RGS13: variants seen among roughly 807,000 people sequenced by gnomAD.
RGS13 encodes regulator of G protein signaling 13.
A neutral mutation model predicts 19.9 loss-of-function variants in RGS13; 14 were observed. That is an observed-to-expected ratio of 0.70 (90% confidence interval 0.46 to 1.10). RGS13 has a LOEUF of 1.10. Among genes scored for constraint, RGS13 ranks in the 50% least tolerant of loss-of-function variants. The pLI, the probability that RGS13 is intolerant of heterozygous loss-of-function variation, is 0.00. For missense variants in RGS13, 205 were observed against 187.1 expected (o/e 1.10, Z -0.56); for synonymous variants, 60 against 56.8 (o/e 1.06, Z -0.25).
Position 192,658,500 on chromosome 1 carries a change from AC to A in RGS13, c.294+135del. The A allele has an allele frequency of 6.6e-6, 5 of 752,064 alleles. No individual in the cohort carries two copies. In the South Asian group the frequency reaches 1.1e-4, roughly 17 times the overall value. 46.6% of individuals were successfully genotyped at this position (752,064 alleles called of 1,614,324 possible). A position where few individuals can be genotyped will look rare whatever the true frequency, so the allele number is the denominator to read the frequency against. ...AAATGCTATAAATTCAGTATTGCTA[AC>A]CTTATTTTACAGATAAGAAACCTGA... On this transcript the variant is annotated intron_variant, in intron 6 of 6. Transcript: ENST00000391995.
At chr1:192,647,548 TAA>T (rs1191697880) in intron 4 of RGS13, 5 of 152,944 alleles carry the variant, frequency 3.3e-5, no homozygotes, top group South Asian at 2.1e-4. Context: ...GCATAAAGTA[TAA>T]ACACACATAG....
chr1:192,653,063 T>G (rs945035735), intron 5 of RGS13, among the ~76,000 whole-genome samples: 1 of 152,016 alleles, frequency 6.6e-6, no homozygotes, highest in African/African-American at 2.4e-5. Context: ...ATTCAGTGGT[T>G]TACAAATATA....
At chr1:192,639,762 G>A (rs1267530825) in intron 3 of RGS13, among the ~76,000 whole-genome samples, 1 of 152,108 alleles carries the variant, frequency 6.6e-6, no homozygotes, top group African/African-American at 2.4e-5. Context: ...CTGACCTCGA[G>A]CATATGTCTG....
chr1:192,655,166 T>C (rs1158890202), intron 5 of RGS13, among the ~76,000 whole-genome samples: 1 of 152,120 alleles, frequency 6.6e-6, no homozygotes, highest in Admixed American at 6.6e-5. Context: ...CAAATGCATT[T>C]TCAGCCGCTA....
chr1:192,659,810 G>C lies in RGS13; in HGVS notation c.*287G>C, dbSNP rs1196040679. 8.5e-6 allele frequency: 2 copies of C among 234,796 alleles called. No individual in the cohort carries two copies. The highest frequency in any genetic ancestry group is 9.5e-5 in the East Asian group (1 of 10,482). 14.5% of individuals were successfully genotyped at this position (234,796 alleles called of 1,614,324 possible). The stretch of plus-strand genomic sequence containing the variant: ...GCATTATAAAGTTTTTACTGTAGTA[G>C]TCAATTAATGGATATTTCCTTGTTA... On this transcript the variant is annotated 3_prime_UTR_variant, in exon 7 of 7. Coordinates refer to ENST00000391995, the MANE Select transcript of RGS13 (RefSeq NM_002927.5).
In RGS13 at chr1:192,658,292, T is replaced by G. The variant is rs758497365; in HGVS notation, c.219T>G (p.Ile73Met). ...FWMACETYKK[I>M]ASRWSRISRA... ...TGGCATGTGAAACCTATAAGAAAAT[T>G]GCCTCACGGTGGAGCAGAATTTCTA... is the stretch of plus-strand genomic sequence containing the variant. Residue 73 changes from isoleucine to methionine, a missense_variant, in exon 6 of 7, where the codon ATT (isoleucine) becomes ATG (methionine). Physicochemically the swap from Ile to Met is conservative, Grantham distance 10 (BLOSUM62 1). Coordinates refer to ENST00000391995, the MANE Select transcript of RGS13 (RefSeq NM_002927.5). 6 of 1,613,416 alleles carry G rather than the reference T, an allele frequency of 3.7e-6. No individual in the cohort carries two copies. The Admixed American group carries it at 1.0e-4, about 27-fold the overall frequency.
intron 1 of RGS13, among the ~76,000 whole-genome samples, chr1:192,637,136 T>G (rs1435844617): frequency 6.6e-6 from 1 of 151,882 alleles, no homozygotes; most frequent in Non-Finnish European, 1.5e-5. Context: ...AGAATTAGAT[T>G]CTATCGGTGA....
chr1:192,639,095 G>T (rs1663061261), intron 3 of RGS13, among the ~76,000 whole-genome samples: 1 of 152,028 alleles, frequency 6.6e-6, no homozygotes, highest in South Asian at 2.1e-4. Context: ...CTGAGCACAG[G>T]GCTACTATTA....
chr1:192,647,902 A>T, intron 4 of RGS13, 24 bp from the exon 5 acceptor site: 1 of 1,543,108 alleles, frequency 6.5e-7, no homozygotes, highest in Non-Finnish European at 8.8e-7. Flanking sequence ...TAGCCCAATC[A>T]GTGCTTTTTG....
intron 5 of RGS13, among the ~76,000 whole-genome samples, chr1:192,648,305 G>A (rs1215404224): frequency 6.6e-6 from 1 of 152,098 alleles, no homozygotes. Context: ...CACTTAACTC[G>A]CTGTTCTTGC....
intron 3 of RGS13, among the ~76,000 whole-genome samples, chr1:192,639,888 C>T (rs987823699): frequency 6.6e-6 from 1 of 152,080 alleles, no homozygotes; most frequent in Non-Finnish European, 1.5e-5. Flanking sequence ...TACTTCAGAC[C>T]TTAGTGAGTG....
At chr1:192,637,554 T>G (rs988131726) in intron 1 of RGS13, 36 bp from the exon 2 acceptor site, 13 of 151,996 alleles carry the variant, frequency 8.6e-5, no homozygotes, top group African/African-American at 2.9e-4. Flanking sequence ...ATAATCTTTT[T>G]GTTTTTGTTT....
rs1390200545 is a variant in RGS13, at chr1:192,644,381, C to A, written c.47C>A (p.Ser16Tyr). The A allele has an allele frequency of 2.3e-5, 37 of 1,611,112 alleles. No homozygotes were observed. Among genetic ancestry groups the A allele is most frequent in the Non-Finnish European group, 3.1e-5 (36 of 1,178,146 alleles). ...CWICKMCRDE[S>Y]KRPPSNLTLE... Reference sequence around the variant, plus strand: ...ATTTGTAAGATGTGCAGAGATGAATCTAAGAGGCCCCCTTCAAAGTAAGTA... The same window carrying A: ...ATTTGTAAGATGTGCAGAGATGAATATAAGAGGCCCCCTTCAAAGTAAGTA... The change falls in exon 4 of 7, where the codon TCT (serine) becomes TAT (tyrosine). Residue 16 changes from serine (S) to tyrosine (Y), a missense_variant. Physicochemically the swap from Ser to Tyr is moderately radical, Grantham distance 144. Transcript: ENST00000391995.
At chr1:192,641,279 AAAG>A (rs1663113611) in intron 3 of RGS13, among the ~76,000 whole-genome samples, 1 of 114,958 alleles carries the variant, frequency 8.7e-6, no homozygotes, top group South Asian at 3.0e-4. Context: ...AGAAAGAAAG[AAAG>A]AAAGAAAGAA....
intron 5 of RGS13, among the ~76,000 whole-genome samples, chr1:192,651,420 C>CT (rs2102035473): frequency 6.6e-6 from 1 of 152,108 alleles, no homozygotes; most frequent in African/African-American, 2.4e-5. Context: ...AAAGCAGAGA[C>CT]TGGAAGCGGG....
chr1:192,647,840 AT>A, intron 4 of RGS13, 85 bp from the exon 5 acceptor site: 2 of 753,560 alleles, frequency 2.7e-6, no homozygotes, highest in Non-Finnish European at 4.1e-6. Flanking sequence ...TTTTGGTGTC[AT>A]TTTCAAGATA....
At chr1:192,649,147 T>C (rs1450224484) in intron 5 of RGS13, among the ~76,000 whole-genome samples, 1 of 152,146 alleles carries the variant, frequency 6.6e-6, no homozygotes, top group Non-Finnish European at 1.5e-5. Context: ...TTTGGGGCCA[T>C]AGTTTCTTTC....
chr1:192,648,068 A>ATAGCATACATTCATCATC, intron 5 of RGS13, 81 bp downstream of exon 5: 2 of 933,346 alleles, frequency 2.1e-6, no homozygotes, highest in Non-Finnish European at 3.3e-6. Flanking sequence ...CAGATGATGA[A>ATAGCATACATTCATCATC]TGTATGCTAT....
chr1:192,648,994 G>C (rs1322455908), intron 5 of RGS13, among the ~76,000 whole-genome samples: 3 of 152,074 alleles, frequency 2.0e-5, no homozygotes, highest in Non-Finnish European at 2.9e-5. Context: ...AGTAGGTGTA[G>C]ACACTTGGCT....
Sources: allele counts gnomAD v4.1 joint callset (sites outside exome capture counted in the v4.1 genomes callset), GRCh38; gene constraint gnomAD v4.1.1; transcripts MANE v1.5; gene names NCBI Gene and HGNC (gene_info 2026-07-23, HGNC 2026-07-21).